ARHGAP23: variants seen among roughly 807,000 people sequenced by gnomAD.
ARHGAP23 encodes the protein rho GTPase-activating protein 23.
ARHGAP23 carries 34 observed loss-of-function variants against 136.3 expected under a neutral mutation model. The ratio of observed to expected loss-of-function variants is 0.25; its 90% CI spans 0.19 to 0.33. ARHGAP23 has a LOEUF of 0.33. Ranked by LOEUF, ARHGAP23 falls within the 10% of genes least tolerant of loss-of-function variation. The probability of loss-of-function intolerance (pLI) is 1.00; values close to 1 mark genes in which losing one functional copy is unlikely to be tolerated. For synonymous variants in ARHGAP23, 832 were observed against 920.5 expected (o/e 0.90, Z 1.74); for missense variants, 1,808 against 2,139.0 (o/e 0.85, Z 3.05).
intron 21 of ARHGAP23, among the ~76,000 whole-genome samples, chr17:38,498,081 G>A (rs554898362): frequency 6.6e-6 from 1 of 152,312 alleles, no homozygotes; most frequent in African/African-American, 2.4e-5. Context: ...CCCAGTTCAG[G>A]AGTAAAGGCA....
At chr17:38,448,415 C>T (rs1351881377) in intron 1 of ARHGAP23, among the ~76,000 whole-genome samples, 1 of 152,156 alleles carries the variant, frequency 6.6e-6, no homozygotes, top group African/African-American at 2.4e-5. Context: ...TGAGCCTGTG[C>T]TAAGACTTTC....
chr17:38,475,915 G>A (rs528825435), intron 11 of ARHGAP23, among the ~76,000 whole-genome samples: 1 of 152,272 alleles, frequency 6.6e-6, no homozygotes, highest in Non-Finnish European at 1.5e-5. Context: ...CTGGAGCTCA[G>A]ATCTGAAGGG....
At chr17:38,455,483 G>T (rs1335265976) in intron 1 of ARHGAP23, among the ~76,000 whole-genome samples, 1 of 152,180 alleles carries the variant, frequency 6.6e-6, no homozygotes, top group Non-Finnish European at 1.5e-5. Context: ...TGGATTCCAT[G>T]CAGGCCCTCC....
At chr17:38,488,419 T>G (rs966901776) in intron 17 of ARHGAP23, among the ~76,000 whole-genome samples, 2 of 152,272 alleles carry the variant, frequency 1.3e-5, no homozygotes, top group African/African-American at 4.8e-5. Flanking sequence ...TATGTTGATT[T>G]GCGGGAGAAA....
intron 1 of ARHGAP23, among the ~76,000 whole-genome samples, chr17:38,440,066 G>A (rs2038888446): frequency 6.6e-6 from 1 of 151,670 alleles, no homozygotes; most frequent in South Asian, 2.1e-4. Flanking sequence ...CTGTCACCCA[G>A]GCTGGAGTGC....
intron 10 of ARHGAP23, among the ~76,000 whole-genome samples, chr17:38,471,242 C>T (rs1252541062): frequency 1.3e-5 from 2 of 152,256 alleles, no homozygotes; most frequent in African/African-American, 2.4e-5. Flanking sequence ...CATGAGCCAG[C>T]GTGCCCGCCC....
chr17:38,453,418 CGTGCGTGTGTGTGTGT>C (rs1567786895), intron 1 of ARHGAP23, among the ~76,000 whole-genome samples: 37 of 100,954 alleles, frequency 3.7e-4, no homozygotes, highest in African/African-American at 8.1e-4. Flanking sequence ...CGCGCGTATG[CGTGCGTGTGTGTGTGT>C]GTGTGTGTGT....
intron 16 of ARHGAP23, among the ~76,000 whole-genome samples, chr17:38,483,205 G>A (rs1483597553): frequency 6.6e-6 from 1 of 152,166 alleles, no homozygotes; most frequent in African/African-American, 2.4e-5. Flanking sequence ...CCATCCAAAA[G>A]CAGGCTGTGG....
chr17:38,490,688 G>T lies in ARHGAP23; in HGVS notation c.3150+137G>T, dbSNP rs1416382033. 1.7e-4 allele frequency: 124 copies of T among 715,542 alleles called. No homozygotes were observed. The Admixed American group carries it at 2.4e-3, about 14-fold the overall frequency. The allele number at this position is 715,542 out of a possible 1,614,324, so 44.3% of individuals were successfully genotyped here. On this transcript the variant is annotated intron_variant, in intron 19 of 23. Coordinates refer to ENST00000622683, the MANE Select transcript of ARHGAP23 (RefSeq NM_001199417.2). ...CACGCCCTCCTCCTATGACTGCTCC[G>T]TCCCCACCCCGCTCCTACATGCTGG...
At chr17:38,472,589 C>T (rs2039788521) in intron 11 of ARHGAP23, among the ~76,000 whole-genome samples, 1 of 151,724 alleles carries the variant, frequency 6.6e-6, no homozygotes, top group Non-Finnish European at 1.5e-5. Context: ...TTGGGGAGGG[C>T]CTGGGAGGGA....
intron 23 of ARHGAP23, among the ~76,000 whole-genome samples, chr17:38,504,820 G>A (rs1192816022): frequency 2.6e-5 from 4 of 151,958 alleles, no homozygotes; most frequent in African/African-American, 7.3e-5. Context: ...CCCAGGCGGC[G>A]TCGGTGCCCC....
chr17:38,437,745 C>T (rs1161563229), intron 1 of ARHGAP23, among the ~76,000 whole-genome samples: 1 of 151,434 alleles, frequency 6.6e-6, no homozygotes, highest in Non-Finnish European at 1.5e-5. Context: ...AAGTTAGACC[C>T]TCTTTTCCAC....
chr17:38,485,686 C>T (rs1292366563), intron 16 of ARHGAP23, among the ~76,000 whole-genome samples: 2 of 152,226 alleles, frequency 1.3e-5, no homozygotes, highest in African/African-American at 4.8e-5. Context: ...AGGAAACCAG[C>T]ACATGCAGAG....
chr17:38,421,945 T>C (rs1213540139), intron 1 of ARHGAP23, among the ~76,000 whole-genome samples: 1 of 152,072 alleles, frequency 6.6e-6, no homozygotes, highest in East Asian at 1.9e-4. Context: ...AAGGGCAAAA[T>C]GGAGACAGGG....
At chr17:38,498,539 G>T (rs1172626863) in intron 22 of ARHGAP23, 29 bp downstream of exon 22, 1 of 1,498,516 alleles carries the variant, frequency 6.7e-7, no homozygotes. Flanking sequence ...GAGTGGGGAG[G>T]CGGGAGGTTG....
At position 38,500,839 on chromosome 17, in the gene ARHGAP23, C is replaced by T. The variant is rs568404298; in HGVS notation, c.3447+211C>T. 5 of 602,628 alleles carry T rather than the reference C, an allele frequency of 8.3e-6. No individual in the cohort carries two copies. The Admixed American group carries it at 1.5e-4, about 18-fold the overall frequency. 37.3% of individuals were successfully genotyped at this position (602,628 alleles called of 1,614,324 possible). A position where few individuals can be genotyped will look rare whatever the true frequency, so the allele number is the denominator to read the frequency against. On this transcript the variant is annotated intron_variant, in intron 23 of 23. Transcript: ENST00000622683. Reference sequence around the variant, plus strand: ...TGAGGCATCTGCTGTAGTAGAAGGACCTGGCCTGGGAGTTATGTGGCTAGG... The same window carrying T: ...TGAGGCATCTGCTGTAGTAGAAGGATCTGGCCTGGGAGTTATGTGGCTAGG...
chr17:38,476,196 C>T (rs962729126), intron 11 of ARHGAP23, among the ~76,000 whole-genome samples: 1 of 152,158 alleles, frequency 6.6e-6, no homozygotes, highest in Non-Finnish European at 1.5e-5. Flanking sequence ...AACATGATCG[C>T]TGCAGCTGCT....
chr17:38,482,123 C>T lies in ARHGAP23; in HGVS notation c.2731C>T (p.Gln911Ter). The T allele has an allele frequency of 6.5e-7, 1 of 1,548,488 alleles. No homozygotes were observed. Among genetic ancestry groups the T allele is most frequent in the Non-Finnish European group, 8.7e-7 (1 of 1,146,196 alleles). ...GTTTGGGGTCAGGCTGGAGGAGTGC[C>T]AGCCAGCCACGGAGAACCAGGTGAG... ...RAFGVRLEEC[Q>*]PATENQRVPL... The change falls in exon 15 of 24, where the codon CAG becomes TAG. Residue 911 changes from glutamine to a stop codon, truncating the protein, a stop_gained. Coordinates refer to ENST00000622683, the MANE Select transcript of ARHGAP23 (RefSeq NM_001199417.2). LOFTEE classifies it high-confidence loss of function.
chr17:38,440,128 C>T (rs547608122), intron 1 of ARHGAP23, among the ~76,000 whole-genome samples: 1 of 152,290 alleles, frequency 6.6e-6, no homozygotes, highest in Non-Finnish European at 1.5e-5. Flanking sequence ...AAGCGATTCT[C>T]CTGCCTCAGC....
Sources: gnomAD v4.1 joint callset for allele counts (sites outside exome capture counted in the v4.1 genomes callset) on GRCh38, gnomAD v4.1.1 for gene constraint, MANE v1.5 for transcripts, NCBI Gene and HGNC (gene_info 2026-07-23, HGNC 2026-07-21) for gene names.